The following MAP2K5 variants were observed in gnomAD, a reference collection of about 807,000 sequenced individuals.
The protein encoded by MAP2K5 is dual specificity mitogen-activated protein kinase kinase 5.
In MAP2K5, 49 loss-of-function variants were observed where a neutral mutation model predicts 83.1. The ratio of observed to expected loss-of-function variants is 0.59; its 90% CI spans 0.47 to 0.75. The LOEUF (loss-of-function observed/expected upper bound fraction) is 0.75, where lower values mean the gene tolerates loss of function less well. MAP2K5 is among the 30% of genes least tolerant of loss of function. MAP2K5 has a pLI of 0.00. For missense variants in MAP2K5, 457 were observed against 557.5 expected (o/e 0.82, Z 1.82); for synonymous variants, 202 against 191.8 (o/e 1.05, Z -0.44).
rs1163088741 is a variant in MAP2K5, at chr15:67,781,073, C to T, written c.1242+8321C>T. On this transcript the variant is annotated intron_variant, in intron 21 of 21. Coordinates refer to ENST00000178640, the MANE Select transcript of MAP2K5 (RefSeq NM_145160.3). This position sits in a 1 kb window ranked among gnomAD's most constrained non-coding sequence, Gnocchi z 4.0. ...CTGTCAGCACATCAGATGCATGCCA[C>T]CCACTCCCCAGCTCTTGGGAATAAT... Among the ~76,000 whole-genome samples the T allele has an allele frequency of 6.6e-6, 1 of 152,166 alleles. No homozygotes were observed. Among genetic ancestry groups the T allele is most frequent in the Non-Finnish European group, 1.5e-5 (1 of 68,034 alleles).
At chr15:67,704,589 T>G (rs1479911561) in intron 16 of MAP2K5, among the ~76,000 whole-genome samples, 2 of 152,140 alleles carry the variant, frequency 1.3e-5, no homozygotes. Flanking sequence ...AAAAATAAAG[T>G]GTTGAACGTT....
chr15:67,602,446 G>A (rs1032170399), intron 8 of MAP2K5, among the ~76,000 whole-genome samples: 9 of 152,114 alleles, frequency 5.9e-5, no homozygotes, highest in Non-Finnish European at 1.2e-4. Context: ...ATTTAAAAAT[G>A]TTTATTTAGA....
rs2084959058 is a variant in MAP2K5 at position 67,572,051 on chromosome 15, G to T, written c.252+8701G>T. Reference sequence around the variant, plus strand: ...ATGATATAATACACCTAAGCATTAGGTGCTCCATGAGCACAAGAAGTGTCT... The same window carrying T: ...ATGATATAATACACCTAAGCATTAGTTGCTCCATGAGCACAAGAAGTGTCT... On this transcript the variant is annotated intron_variant, in intron 3 of 21. Transcript: ENST00000178640. The surrounding 1 kb of genome is among the most constrained non-coding windows in gnomAD (Gnocchi z 4.2). Among the ~76,000 whole-genome samples, 1 of 152,182 alleles carries T rather than the reference G, an allele frequency of 6.6e-6. No homozygotes were observed. Among genetic ancestry groups the T allele is most frequent in the Admixed American group, 6.5e-5 (1 of 15,284 alleles).
At chr15:67,689,743 G>A (rs2088053901) in intron 13 of MAP2K5, among the ~76,000 whole-genome samples, 1 of 152,178 alleles carries the variant, frequency 6.6e-6, no homozygotes, top group Admixed American at 6.5e-5. Context: ...TTATTATTTT[G>A]TCTTTCCATT....
chr15:67,680,877 T>C (rs892365519), intron 13 of MAP2K5, among the ~76,000 whole-genome samples: 4 of 152,306 alleles, frequency 2.6e-5, no homozygotes, highest in African/African-American at 9.6e-5. Context: ...CTGAACACAC[T>C]TGCTACCCTA....
intron 15 of MAP2K5, among the ~76,000 whole-genome samples, chr15:67,701,582 G>A (rs2088418695): frequency 6.6e-6 from 1 of 152,200 alleles, no homozygotes; most frequent in Non-Finnish European, 1.5e-5. Flanking sequence ...TGGTCATTAA[G>A]CAGAGAAGAG....
At chr15:67,643,664 T>G (rs1451496127) in intron 9 of MAP2K5, among the ~76,000 whole-genome samples, 2 of 152,132 alleles carry the variant, frequency 1.3e-5, no homozygotes, top group Non-Finnish European at 2.9e-5. Flanking sequence ...GCCAGGATGG[T>G]CTCGATCTCC....
intron 11 of MAP2K5, among the ~76,000 whole-genome samples, chr15:67,651,706 G>A (rs1283058020): frequency 6.6e-6 from 1 of 152,106 alleles, no homozygotes; most frequent in African/African-American, 2.4e-5. Flanking sequence ...TTTTATGGCT[G>A]AATAATATTT....
chr15:67,693,521 GTGAAT>G lies in MAP2K5; in HGVS notation c.927_931del (p.Asn310TyrfsTer15). The G allele has an allele frequency of 6.2e-7, 1 of 1,610,462 alleles. No homozygotes were observed. Among genetic ancestry groups the G allele is most frequent in the Non-Finnish European group, 8.5e-7 (1 of 1,177,892 alleles). ...AACAGACTGTTTTGTCTCATAGCTG[GTGAAT>G]TCTATAGCCAAGACGTATGTTGGAA... On this transcript the variant is annotated frameshift_variant, in exon 15 of 22. Transcript: ENST00000178640. LOFTEE classifies it high-confidence loss of function.
In MAP2K5 at chr15:67,804,135, G is replaced by A. The variant is rs905070769; in HGVS notation, c.1243-2511G>A. Reference sequence around the variant, plus strand: ...TAATGGCCCCAGGGTCTCCAGTGCCGTCACGACCCCCCGCCTGCCTGCCTC... The same window carrying A: ...TAATGGCCCCAGGGTCTCCAGTGCCATCACGACCCCCCGCCTGCCTGCCTC... On this transcript the variant is annotated intron_variant, in intron 21 of 21. Coordinates refer to ENST00000178640, the MANE Select transcript of MAP2K5 (RefSeq NM_145160.3). Among the ~76,000 whole-genome samples, 47 of 152,248 alleles carry A rather than the reference G, an allele frequency of 3.1e-4. 1 individual carries two copies. Among genetic ancestry groups the A allele is most frequent in the African/African-American group, 9.6e-5 (4 of 41,540 alleles).
At chr15:67,707,908 C>T (rs1404155222) in intron 16 of MAP2K5, among the ~76,000 whole-genome samples, 1 of 152,116 alleles carries the variant, frequency 6.6e-6, no homozygotes. Context: ...TGCATGCCTT[C>T]TTCAAAGTAT....
At chr15:67,756,514 A>ACT (rs1356488709) in intron 19 of MAP2K5, among the ~76,000 whole-genome samples, 7 of 97,844 alleles carry the variant, frequency 7.2e-5, no homozygotes, top group Non-Finnish European at 8.8e-5. Context: ...ACACACAGTT[A>ACT]CTGTGTGTGT....
intron 7 of MAP2K5, among the ~76,000 whole-genome samples, chr15:67,598,913 A>G (rs149639411): frequency 1.1e-4 from 17 of 152,348 alleles, no homozygotes; most frequent in African/African-American, 4.1e-4. Context: ...TTGTTAGTTA[A>G]TAGTACAAAT....
intron 8 of MAP2K5, among the ~76,000 whole-genome samples, chr15:67,605,391 A>G (rs961588198): frequency 6.6e-6 from 1 of 152,182 alleles, no homozygotes; most frequent in African/African-American, 2.4e-5. Flanking sequence ...TCACAGAATT[A>G]TAGTTGTGTT....
chr15:67,628,756 A>G, intron 8 of MAP2K5: 1 of 763,072 alleles, frequency 1.3e-6, no homozygotes, highest in Admixed American at 1.7e-5. Flanking sequence ...AAAGAGGTCG[A>G]AGTGGCTCTG....
intron 17 of MAP2K5, among the ~76,000 whole-genome samples, chr15:67,737,417 G>T (rs1196597174): frequency 6.6e-6 from 1 of 152,148 alleles, no homozygotes; most frequent in Admixed American, 6.5e-5. Context: ...AGCTTTGTTT[G>T]AGCATAGATT....
chr15:67,658,782 CA>C (rs1277233851), intron 12 of MAP2K5, 168 bp downstream of exon 12: 1 of 651,008 alleles, frequency 1.5e-6, no homozygotes, highest in Admixed American at 2.1e-5. Flanking sequence ...CCAGCCCACC[CA>C]ACATCACAAC....
intron 13 of MAP2K5, among the ~76,000 whole-genome samples, chr15:67,680,677 A>G (rs1456556281): frequency 6.6e-6 from 1 of 152,200 alleles, no homozygotes; most frequent in African/African-American, 2.4e-5. Flanking sequence ...TAAGCATTTC[A>G]AGTTATTGGA....
At chr15:67,799,124 G>A (rs927131146) in intron 21 of MAP2K5, among the ~76,000 whole-genome samples, 1 of 152,326 alleles carries the variant, frequency 6.6e-6, no homozygotes, top group Middle Eastern at 3.4e-3. Context: ...AGCCGAGATC[G>A]CGCCACTGCC....
Sources: allele counts gnomAD v4.1 joint callset (sites outside exome capture counted in the v4.1 genomes callset), GRCh38; gene constraint gnomAD v4.1.1; non-coding constraint Gnocchi (gnomAD v3.1); transcripts MANE v1.5; gene names NCBI Gene and HGNC (gene_info 2026-07-23, HGNC 2026-07-21).